The following MTUS2 variants were observed in gnomAD, a reference collection of about 807,000 sequenced individuals.
MTUS2 encodes the protein microtubule-associated tumor suppressor candidate 2.
Under a neutral mutation model 114.1 loss-of-function variants are expected in MTUS2, and 40 were observed. The observed-to-expected ratio is 0.35, with a 90% CI of 0.27 to 0.46. MTUS2 has a LOEUF of 0.46. MTUS2 is among the 20% of genes least tolerant of loss of function. The probability of loss-of-function intolerance (pLI) is 1.00; values close to 1 mark genes in which losing one functional copy is unlikely to be tolerated. For synonymous variants in MTUS2, 688 were observed against 672.0 expected, an observed-to-expected ratio of 1.02 and a Z score of -0.37; for missense variants, 1,679 against 1,705.4, an observed-to-expected ratio of 0.98 and a Z score of 0.27.
intron 5 of MTUS2, among the ~76,000 whole-genome samples, chr13:29,224,103 G>C (rs1228475445): frequency 3.9e-5 from 6 of 152,214 alleles, no homozygotes; most frequent in Admixed American, 3.9e-4. Flanking sequence ...AGCACAAGTG[G>C]AGCGCAACCT....
chr13:28,828,478 C>T (rs1291557969), intron 1 of MTUS2, among the ~76,000 whole-genome samples: 4 of 152,052 alleles, frequency 2.6e-5, no homozygotes, highest in Non-Finnish European at 4.4e-5. Context: ...TGATAAATGG[C>T]CATGAAATCT....
chr13:29,227,513 T>TA (rs745525740), intron 5 of MTUS2, among the ~76,000 whole-genome samples: 12 of 152,320 alleles, frequency 7.9e-5, no homozygotes, highest in Admixed American at 7.8e-4. Flanking sequence ...AGCCAAGAAT[T>TA]AAATCAAGGC....
chr13:29,312,724 A>G (rs1469226035), intron 6 of MTUS2, among the ~76,000 whole-genome samples: 2 of 152,230 alleles, frequency 1.3e-5, no homozygotes, highest in Admixed American at 1.3e-4. Context: ...ACATGCTCTC[A>G]GTATCTAATA....
chr13:29,345,899 G>C (rs1180415223), intron 7 of MTUS2, among the ~76,000 whole-genome samples: 1 of 151,902 alleles, frequency 6.6e-6, no homozygotes, highest in Non-Finnish European at 1.5e-5. Context: ...CTTCCTGAGA[G>C]CCGAACTGTA....
chr13:28,861,554 G>A (rs573520425), intron 2 of MTUS2, among the ~76,000 whole-genome samples: 7 of 151,638 alleles, frequency 4.6e-5, no homozygotes, highest in Non-Finnish European at 8.8e-5. Flanking sequence ...CTGGCATTTA[G>A]CAGTCAGTCA....
chr13:29,472,377 A>G (rs1880385248), intron 9 of MTUS2, among the ~76,000 whole-genome samples: 1 of 152,064 alleles, frequency 6.6e-6, no homozygotes, highest in Non-Finnish European at 1.5e-5. Flanking sequence ...ACTTCTTAAC[A>G]TTGTCATCAA....
chr13:29,313,567 A>G (rs949326862), intron 6 of MTUS2, among the ~76,000 whole-genome samples: 1 of 152,216 alleles, frequency 6.6e-6, no homozygotes, highest in African/African-American at 2.4e-5. Context: ...CTACATGTAT[A>G]TGTGTATACA....
intron 2 of MTUS2, among the ~76,000 whole-genome samples, chr13:28,947,051 G>A (rs2138157132): frequency 6.6e-6 from 1 of 152,266 alleles, no homozygotes; most frequent in South Asian, 2.1e-4. Context: ...AGAGTAAGAA[G>A]GGCCCCCAGG....
intron 5 of MTUS2, among the ~76,000 whole-genome samples, chr13:29,262,232 G>C (rs192557270): frequency 6.6e-6 from 1 of 152,214 alleles, no homozygotes; most frequent in Non-Finnish European, 1.5e-5. Flanking sequence ...TATCCACAGG[G>C]AAACTGAATC....
chr13:29,437,188 T>G (rs1566199423), intron 8 of MTUS2, among the ~76,000 whole-genome samples: 1 of 152,102 alleles, frequency 6.6e-6, no homozygotes, highest in Non-Finnish European at 1.5e-5. Flanking sequence ...TAGAGTTGAT[T>G]TGTTGTTTTT....
intron 3 of MTUS2, among the ~76,000 whole-genome samples, chr13:29,031,270 G>GGT (rs1555287202): frequency 1.3e-4 from 3 of 22,402 alleles, no homozygotes; most frequent in African/African-American, 3.4e-4. Context: ...GTGTGTGTGT[G>GGT]GTGTGTGTTC....
At chr13:28,943,954 C>T (rs1566241214) in intron 2 of MTUS2, among the ~76,000 whole-genome samples, 1 of 152,106 alleles carries the variant, frequency 6.6e-6, no homozygotes, top group African/African-American at 2.4e-5. Flanking sequence ...ATAAAACAAT[C>T]ATATTTGCTA....
intron 5 of MTUS2, among the ~76,000 whole-genome samples, chr13:29,194,433 A>G (rs1275712300): frequency 1.3e-5 from 2 of 151,684 alleles, no homozygotes; most frequent in African/African-American, 4.8e-5. Flanking sequence ...AAGTGGGCGA[A>G]GGACATGAAC....
chr13:29,502,884 C>A, intron 15 of MTUS2, 109 bp from the exon 16 acceptor site: 2 of 1,081,592 alleles, frequency 1.8e-6, no homozygotes, highest in Non-Finnish European at 2.7e-6. Flanking sequence ...GGTCCCTGTT[C>A]TCCCTGCGGT....
At chr13:29,181,840 A>G (rs1316544598) in intron 5 of MTUS2, among the ~76,000 whole-genome samples, 1 of 150,690 alleles carries the variant, frequency 6.6e-6, no homozygotes, top group Non-Finnish European at 1.5e-5. Flanking sequence ...GTGTTTGATC[A>G]GGACATTTTT....
intron 2 of MTUS2, among the ~76,000 whole-genome samples, chr13:29,003,684 T>C (rs1023004542): frequency 2.0e-5 from 3 of 152,224 alleles, no homozygotes; most frequent in Non-Finnish European, 2.9e-5. Flanking sequence ...ATATTTTTGG[T>C]TGTGAGCAAG....
intron 4 of MTUS2, among the ~76,000 whole-genome samples, chr13:29,075,303 G>A (rs1889140175): frequency 6.6e-6 from 1 of 152,208 alleles, no homozygotes; most frequent in Non-Finnish European, 1.5e-5. Flanking sequence ...GTACGGCTAA[G>A]TTGTTCCACT....
chr13:29,151,211 T>G (rs570250420), intron 5 of MTUS2, among the ~76,000 whole-genome samples: 91 of 152,324 alleles, frequency 6.0e-4, no homozygotes, highest in African/African-American at 2.1e-3. Flanking sequence ...TCATCTATGA[T>G]TTCTTTCAGG....
intron 2 of MTUS2, among the ~76,000 whole-genome samples, chr13:28,945,194 T>C (rs895036906): frequency 1.3e-5 from 2 of 150,998 alleles, no homozygotes; most frequent in African/African-American, 2.5e-5. Context: ...TATATATATA[T>C]ACACCACATT....
Sources: gnomAD v4.1 joint callset for allele counts (sites outside exome capture counted in the v4.1 genomes callset) on GRCh38, gnomAD v4.1.1 for gene constraint, MANE v1.5 for transcripts, NCBI Gene and HGNC (gene_info 2026-07-23, HGNC 2026-07-21) for gene names.